The following ZBTB7C variants were observed in gnomAD, a reference collection of about 807,000 sequenced individuals.
ZBTB7C encodes the protein zinc finger and BTB domain-containing protein 7C.
ZBTB7C carries 8 observed loss-of-function variants against 25.7 expected under a neutral mutation model. The observed-to-expected ratio is 0.31, with a 90% CI of 0.18 to 0.56. The LOEUF is 0.56. ZBTB7C is among the 20% of genes least tolerant of loss of function. The pLI is 0.91. For synonymous variants in ZBTB7C, 394 were observed against 369.0 expected (o/e 1.07, Z -0.78); for missense variants, 824 against 855.2 (o/e 0.96, Z 0.46).
rs533648073 is a variant in ZBTB7C, at chr18:48,072,938, C to A, written c.-16-31815G>T. ...AGTGCAGCCTGGAGTTCCCTTCCCC[C>A]TCCAGGCCACAGCCCCACTCTCCCT... is the stretch of plus-strand genomic sequence containing the variant. On this transcript the variant is annotated intron_variant, in intron 3 of 4. Coordinates refer to ENST00000590800, the MANE Select transcript of ZBTB7C (RefSeq NM_001318841.2). Among the ~76,000 whole-genome samples, 292 of 152,202 alleles carry A rather than the reference C, an allele frequency of 1.9e-3. 1 individual carries two copies. The highest frequency in any genetic ancestry group is 3.5e-3 in the Non-Finnish European group (236 of 68,028).
Position 48,380,779 on chromosome 18 carries a change from A to C in ZBTB7C, c.-304+28447T>G, listed in dbSNP as rs573208050. 2.0e-5 allele frequency among the ~76,000 whole-genome samples: 3 copies of C among 152,364 alleles called. No homozygotes were observed. The South Asian group carries it at 6.2e-4, about 32-fold the overall frequency. ...AGAATGAAATTTAGTTAATGATAAC[A>C]TACCAATATTTGTTGTGACCGATGT... On this transcript the variant is annotated intron_variant, in intron 1 of 4. Coordinates refer to ENST00000590800, the MANE Select transcript of ZBTB7C (RefSeq NM_001318841.2).
chr18:48,223,683 C>T (rs1490918873), intron 2 of ZBTB7C, among the ~76,000 whole-genome samples: 1 of 152,138 alleles, frequency 6.6e-6, no homozygotes, highest in Non-Finnish European at 1.5e-5. Context: ...GTCTCAGTTC[C>T]AGTTCTGCTA....
chr18:48,063,301 CT>C (rs955103051), intron 3 of ZBTB7C, among the ~76,000 whole-genome samples: 1 of 152,226 alleles, frequency 6.6e-6, no homozygotes, highest in Non-Finnish European at 1.5e-5. Context: ...AGCGCAGGGG[CT>C]TTTCCCCCCC....
intron 1 of ZBTB7C, among the ~76,000 whole-genome samples, chr18:48,402,313 A>G (rs1449217868): frequency 6.6e-6 from 1 of 151,844 alleles, no homozygotes; most frequent in Admixed American, 6.6e-5. Flanking sequence ...TTTCCTTGTC[A>G]TGGTTAAATA....
intron 3 of ZBTB7C, among the ~76,000 whole-genome samples, chr18:48,102,944 T>C (rs2038885416): frequency 6.6e-6 from 1 of 151,674 alleles, no homozygotes; most frequent in Admixed American, 6.6e-5. Context: ...TTCAATTTTA[T>C]CAGAATTCAA....
chr18:48,250,938 A>G (rs1349143250), intron 2 of ZBTB7C, among the ~76,000 whole-genome samples: 1 of 152,186 alleles, frequency 6.6e-6, no homozygotes, highest in Non-Finnish European at 1.5e-5. Flanking sequence ...AAAGTAAAAT[A>G]TCTGACCAGG....
chr18:48,202,268 G>T (rs2042468891), intron 2 of ZBTB7C, among the ~76,000 whole-genome samples: 1 of 152,212 alleles, frequency 6.6e-6, no homozygotes, highest in African/African-American at 2.4e-5. Flanking sequence ...GGAGCCCAAA[G>T]CCTCATGGGC....
rs373721329 is a variant in ZBTB7C at position 48,220,980 on chromosome 18, T to C, written c.-78-34985A>G. 1.2e-4 allele frequency among the ~76,000 whole-genome samples: 18 copies of C among 150,434 alleles called. No individual in the cohort carries two copies. The East Asian group carries it at 3.2e-3, about 27-fold the overall frequency. The stretch of plus-strand genomic sequence containing the variant: ...TAGTCTCCCTCTATACTGTCCTAGT[T>C]TCCTCTATACTGTCCTGGTCTCCCT... On this transcript the variant is annotated intron_variant, in intron 2 of 4. Transcript: ENST00000590800.
At chr18:48,384,758 T>C (rs529642495) in intron 1 of ZBTB7C, among the ~76,000 whole-genome samples, 1 of 152,308 alleles carries the variant, frequency 6.6e-6, no homozygotes, top group Admixed American at 6.5e-5. Flanking sequence ...CTTGGCTCAC[T>C]GCAACCTCTG....
intron 1 of ZBTB7C, among the ~76,000 whole-genome samples, chr18:48,405,331 G>A (rs140089525): frequency 8.3e-4 from 126 of 152,190 alleles, no homozygotes; most frequent in African/African-American, 2.7e-3. Flanking sequence ...AAACCTCCTC[G>A]ACCAGCCCCA....
chr18:48,296,707 G>A (rs548080186), intron 2 of ZBTB7C, among the ~76,000 whole-genome samples: 29 of 152,196 alleles, frequency 1.9e-4, no homozygotes, highest in African/African-American at 6.5e-4. Flanking sequence ...CCCAGTCCCC[G>A]GGGCCACAGT....
chr18:48,076,027 G>A (rs2037750291), intron 3 of ZBTB7C, among the ~76,000 whole-genome samples: 1 of 152,242 alleles, frequency 6.6e-6, no homozygotes, highest in Admixed American at 6.5e-5. Flanking sequence ...TTCCTCCCCA[G>A]CGCCTGCTCA....
At position 48,116,626 on chromosome 18, in the gene ZBTB7C, C is replaced by T. The variant is rs569851699; in HGVS notation, c.-17+69308G>A. Reference sequence around the variant, plus strand: ...TGCTTGCACCCTCCCTCTGCACCCACGGCTCTCTTATATTCCTGCCAACTG... The same window carrying T: ...TGCTTGCACCCTCCCTCTGCACCCATGGCTCTCTTATATTCCTGCCAACTG... On this transcript the variant is annotated intron_variant, in intron 3 of 4. Transcript: ENST00000590800. Among the ~76,000 whole-genome samples the T allele has an allele frequency of 1.8e-4, 27 of 152,232 alleles. No individual in the cohort carries two copies. In the East Asian group the frequency reaches 2.9e-3, roughly 16 times the overall value.
chr18:48,102,649 C>T (rs2038873617), intron 3 of ZBTB7C, among the ~76,000 whole-genome samples: 1 of 151,472 alleles, frequency 6.6e-6, no homozygotes, highest in Admixed American at 6.6e-5. Flanking sequence ...AAGAGTAACC[C>T]ATGGTAACTA....
intron 2 of ZBTB7C, among the ~76,000 whole-genome samples, chr18:48,257,715 G>A (rs2044059363): frequency 6.6e-6 from 1 of 151,896 alleles, no homozygotes; most frequent in South Asian, 2.1e-4. Flanking sequence ...AGGACTAAGT[G>A]GTATTTATCT....
chr18:48,294,858 C>G (rs72909614), intron 2 of ZBTB7C, among the ~76,000 whole-genome samples: 18,629 of 152,180 alleles, frequency 0.12, 1,296 homozygotes, highest in African/African-American at 0.17. Context: ...TTCCCTGAAT[C>G]TGCTGCCCTG....
intron 2 of ZBTB7C, among the ~76,000 whole-genome samples, chr18:48,200,125 G>A (rs8087577): frequency 0.13 from 19,525 of 151,918 alleles, 1,401 homozygotes; most frequent in Admixed American, 0.18. Context: ...GGAGCCCAGC[G>A]TACGACACCT....
At chr18:48,227,688 C>T (rs1172171894) in intron 2 of ZBTB7C, among the ~76,000 whole-genome samples, 4 of 152,288 alleles carry the variant, frequency 2.6e-5, no homozygotes, top group Admixed American at 2.6e-4. Flanking sequence ...GCCTGTTTTA[C>T]CAAACCCTGC....
At chr18:48,261,122 G>C (rs1038778398) in intron 2 of ZBTB7C, among the ~76,000 whole-genome samples, 2 of 152,148 alleles carry the variant, frequency 1.3e-5, no homozygotes, top group Non-Finnish European at 2.9e-5. Context: ...GGGCAACAGC[G>C]GAATGTTTTA....
Sources: allele counts gnomAD v4.1 joint callset (sites outside exome capture counted in the v4.1 genomes callset), GRCh38; gene constraint gnomAD v4.1.1; transcripts MANE v1.5; gene names NCBI Gene and HGNC (gene_info 2026-07-23, HGNC 2026-07-21).